Variants in NBEA observed in about 807,000 individuals in gnomAD.
NBEA encodes lysosomal-trafficking regulator 2.
NBEA carries 44 observed loss-of-function variants against 343.4 expected under a neutral mutation model. That is an observed-to-expected ratio of 0.13 (90% CI 0.10 to 0.16). NBEA has a LOEUF of 0.16. NBEA is among the 10% of genes least tolerant of loss of function. NBEA has a pLI of 1.00. For synonymous variants in NBEA, 1,175 were observed against 1,238.7 expected, an observed-to-expected ratio of 0.95 and a Z score of 1.08; for missense variants, 2,555 against 3,631.3, an observed-to-expected ratio of 0.70 and a Z score of 7.62.
At chr13:35,641,845 T>C (rs886247966) in intron 49 of NBEA, among the ~76,000 whole-genome samples, 3 of 152,092 alleles carry the variant, frequency 2.0e-5, no homozygotes, top group Non-Finnish European at 2.9e-5. Context: ...TACATACATA[T>C]ATACATTCAT....
At chr13:35,077,819 A>C (rs2064188337) in intron 10 of NBEA, among the ~76,000 whole-genome samples, 2 of 152,138 alleles carry the variant, frequency 1.3e-5, no homozygotes, top group South Asian at 4.1e-4. Flanking sequence ...ACATTTCTTG[A>C]TAGTCTTTCC....
chr13:35,669,979 G>T (rs1405026706), intron 58 of NBEA, among the ~76,000 whole-genome samples: 1 of 151,968 alleles, frequency 6.6e-6, no homozygotes, highest in Non-Finnish European at 1.5e-5. Flanking sequence ...GTATTAGGGG[G>T]TCTCAATGGA....
intron 36 of NBEA, among the ~76,000 whole-genome samples, chr13:35,342,353 G>T (rs2039634167): frequency 6.6e-6 from 1 of 152,016 alleles, no homozygotes; most frequent in South Asian, 2.1e-4. Context: ...TTTGTTATGT[G>T]AAATATATCT....
At chr13:35,308,506 A>ATG (rs1370608458) in intron 35 of NBEA, among the ~76,000 whole-genome samples, 11 of 129,664 alleles carry the variant, frequency 8.5e-5, no homozygotes, top group East Asian at 2.0e-4. Flanking sequence ...ATGTGTATAT[A>ATG]TATATGTGTA....
intron 38 of NBEA, among the ~76,000 whole-genome samples, chr13:35,411,875 AT>A: frequency 6.6e-6 from 1 of 152,132 alleles, no homozygotes; most frequent in Non-Finnish European, 1.5e-5. Context: ...TAAACTTCTG[AT>A]TTCTTTAATT....
chr13:35,178,403 C>T (rs1409612287), intron 28 of NBEA, among the ~76,000 whole-genome samples: 32 of 151,588 alleles, frequency 2.1e-4, no homozygotes, highest in Admixed American at 1.8e-3. Context: ...AAATTCTTGG[C>T]GTAGTCATTC....
At chr13:35,039,533 C>T (rs1333346909) in intron 1 of NBEA, among the ~76,000 whole-genome samples, 1 of 152,084 alleles carries the variant, frequency 6.6e-6, no homozygotes. Context: ...TGTTTGGATC[C>T]TGAGTCTCTT....
chr13:35,271,588 A>G (rs2034157023), intron 34 of NBEA, among the ~76,000 whole-genome samples: 1 of 152,212 alleles, frequency 6.6e-6, no homozygotes, highest in African/African-American at 2.4e-5. Flanking sequence ...AACCCATTGC[A>G]AGGAAGCTAA....
chr13:35,287,233 A>G (rs1847956848), intron 34 of NBEA, among the ~76,000 whole-genome samples: 1 of 151,854 alleles, frequency 6.6e-6, no homozygotes, highest in Admixed American at 6.6e-5. Context: ...GAACATATAT[A>G]TTTTCTGGTG....
intron 46 of NBEA, among the ~76,000 whole-genome samples, chr13:35,587,018 C>CA (rs2081320189): frequency 6.6e-6 from 1 of 151,880 alleles, no homozygotes; most frequent in Non-Finnish European, 1.5e-5. Flanking sequence ...GACAAGAATA[C>CA]AAAAAAACTA....
In NBEA at chr13:35,613,819, T is replaced by C. The variant is rs181480250; in HGVS notation, c.7449+7241T>C. Among the ~76,000 whole-genome samples, 266 of 152,270 alleles carry C rather than the reference T, an allele frequency of 1.7e-3. 1 individual carries two copies. The highest frequency in any genetic ancestry group is 3.2e-3 in the Non-Finnish European group (220 of 68,018). On this transcript the variant is annotated intron_variant, in intron 48 of 58. Transcript: ENST00000379939. ...AATTTGTTATAGAGATGGAAGAGTC[T>C]TGAACTCTTGGGCTCAAGTAATCCT...
At chr13:35,484,234 ATGTGTG>A (rs397851790) in intron 41 of NBEA, among the ~76,000 whole-genome samples, 2,236 of 124,752 alleles carry the variant, frequency 0.018, 28 homozygotes, top group African/African-American at 0.034. Flanking sequence ...CTACATTAAT[ATGTGTG>A]TGTGTGTGTG....
chr13:35,007,752 C>T (rs746654655), intron 1 of NBEA, among the ~76,000 whole-genome samples: 10 of 152,206 alleles, frequency 6.6e-5, no homozygotes, highest in Non-Finnish European at 7.3e-5. Flanking sequence ...ATTGGCCTCT[C>T]AAAGTGCTGG....
At chr13:35,507,382 A>G (rs537580864) in intron 41 of NBEA, among the ~76,000 whole-genome samples, 1 of 152,124 alleles carries the variant, frequency 6.6e-6, no homozygotes, top group East Asian at 1.9e-4. Flanking sequence ...TGAAAACTCC[A>G]AAATTTCTAT....
intron 35 of NBEA, among the ~76,000 whole-genome samples, chr13:35,298,539 A>T (rs1170722001): frequency 6.6e-6 from 1 of 151,892 alleles, no homozygotes; most frequent in Non-Finnish European, 1.5e-5. Flanking sequence ...AAACTTTTTA[A>T]CAACTCAAAC....
chr13:35,400,808 G>A (rs1417178734), intron 38 of NBEA, among the ~76,000 whole-genome samples: 1 of 151,890 alleles, frequency 6.6e-6, no homozygotes, highest in East Asian at 1.9e-4. Flanking sequence ...CATTTGTGGA[G>A]CACTCCTATG....
At chr13:35,450,861 C>A (rs961519258) in intron 39 of NBEA, among the ~76,000 whole-genome samples, 16 of 152,072 alleles carry the variant, frequency 1.1e-4, no homozygotes, top group African/African-American at 3.9e-4. Flanking sequence ...TATTTCATGT[C>A]TGTGGTGTTT....
At chr13:35,355,501 G>A (rs888343502) in intron 38 of NBEA, among the ~76,000 whole-genome samples, 2 of 152,116 alleles carry the variant, frequency 1.3e-5, no homozygotes, top group African/African-American at 4.8e-5. Context: ...AGCCACATGT[G>A]GCTGGTGGCT....
At chr13:35,389,026 T>C (rs2152898003) in intron 38 of NBEA, among the ~76,000 whole-genome samples, 1 of 151,956 alleles carries the variant, frequency 6.6e-6, no homozygotes, top group African/African-American at 2.4e-5. Flanking sequence ...TCTTTTTTTT[T>C]TTTTTTCTTT....
Sources: gnomAD v4.1 joint callset for allele counts (sites outside exome capture counted in the v4.1 genomes callset) on GRCh38, gnomAD v4.1.1 for gene constraint, MANE v1.5 for transcripts, NCBI Gene and HGNC (gene_info 2026-07-23, HGNC 2026-07-21) for gene names.